EBF1: variants seen among roughly 807,000 people sequenced by gnomAD.
The protein encoded by EBF1 is EBF transcription factor 1.
Under a neutral mutation model 68.4 loss-of-function variants are expected in EBF1, and 10 were observed. The ratio of observed to expected loss-of-function variants is 0.15; its 90% confidence interval spans 0.09 to 0.25. The LOEUF is 0.25. EBF1 is among the 10% of genes least tolerant of loss of function. The pLI, the probability that EBF1 is intolerant of heterozygous loss-of-function variation, is 1.00. For missense variants in EBF1, 509 were observed against 794.4 expected (o/e 0.64, Z 4.32); for synonymous variants, 298 against 299.8 (o/e 0.99, Z 0.06).
chr5:158,883,321 T>A (rs1324236270), intron 6 of EBF1, among the ~76,000 whole-genome samples: 1 of 146,992 alleles, frequency 6.8e-6, no homozygotes, highest in East Asian at 2.0e-4. Context: ...CATACATGTG[T>A]ATATATATAC....
chr5:159,097,044 A>G lies in EBF1; in HGVS notation c.221T>C (p.Leu74Pro). The G allele has an allele frequency of 6.2e-7, 1 of 1,614,048 alleles. No homozygotes were observed. Among genetic ancestry groups the G allele is most frequent in the Non-Finnish European group, 8.5e-7 (1 of 1,180,000 alleles). The part of the protein sequence containing the change: ...KSNFFHFVLA[L>P]YDRQGQPVEI... ...CACGGGCTGGCCCTGTCTGTCGTAGAGGGCCAGGACGAAGTGGAAGAAGTT... is the reference window on the plus strand; with the variant it reads ...CACGGGCTGGCCCTGTCTGTCGTAGGGGGCCAGGACGAAGTGGAAGAAGTT... Residue 74 changes from leucine (L) to proline (P), a missense_variant, in exon 2 of 16, where the codon CTC (leucine) becomes CCC (proline). Around this residue, in one of 3 missense-constraint regions of EBF1, gnomAD observed 230 missense variants for 467.7 expected, o/e 0.49. Coordinates refer to ENST00000313708, the MANE Select transcript of EBF1 (RefSeq NM_024007.5).
At chr5:159,051,389 G>T (rs1384761740) in intron 6 of EBF1, among the ~76,000 whole-genome samples, 1 of 62,922 alleles carries the variant, frequency 1.6e-5, no homozygotes, top group South Asian at 6.5e-4. Context: ...GCTAGGCCCC[G>T]CCTCGGGCCG....
At chr5:158,792,954 G>A (rs1778940639) in intron 9 of EBF1, among the ~76,000 whole-genome samples, 2 of 152,098 alleles carry the variant, frequency 1.3e-5, no homozygotes, top group South Asian at 4.1e-4. Context: ...AGACATCATG[G>A]CAATGTGAGC....
chr5:158,862,885 C>G (rs960263528), intron 6 of EBF1, among the ~76,000 whole-genome samples: 12 of 152,170 alleles, frequency 7.9e-5, no homozygotes, highest in Non-Finnish European at 1.3e-4. Flanking sequence ...GAACAGCAGT[C>G]CTTCATTAGA....
At chr5:158,700,069 C>T in intron 15 of EBF1, among the ~76,000 whole-genome samples, 1 of 152,224 alleles carries the variant, frequency 6.6e-6, no homozygotes, top group East Asian at 1.9e-4. Flanking sequence ...ATGCAAAGTG[C>T]TTAGCCTGGG....
chr5:158,763,126 A>G (rs959464143), intron 10 of EBF1, among the ~76,000 whole-genome samples: 1 of 152,170 alleles, frequency 6.6e-6, no homozygotes, highest in South Asian at 2.1e-4. Flanking sequence ...CACCGAATAA[A>G]GGCATTTACA....
intron 6 of EBF1, among the ~76,000 whole-genome samples, chr5:159,055,855 C>T (rs908996053): frequency 3.9e-5 from 6 of 152,162 alleles, no homozygotes; most frequent in African/African-American, 1.4e-4. Context: ...CTGGGGCAGT[C>T]CCCAATCTGG....
chr5:158,999,661 A>G (rs570877837), intron 6 of EBF1, among the ~76,000 whole-genome samples: 1 of 152,198 alleles, frequency 6.6e-6, no homozygotes, highest in Non-Finnish European at 1.5e-5. Flanking sequence ...GCAGTTGCTG[A>G]TGGTCTCAAA....
chr5:159,082,598 A>G (rs1308744727), intron 5 of EBF1, among the ~76,000 whole-genome samples: 1 of 152,192 alleles, frequency 6.6e-6, no homozygotes, highest in East Asian at 1.9e-4. Context: ...GGAAAGTGAG[A>G]ATTTTTTTCC....
At chr5:158,791,396 T>G (rs1254139476) in intron 9 of EBF1, among the ~76,000 whole-genome samples, 1 of 151,950 alleles carries the variant, frequency 6.6e-6, no homozygotes, top group Non-Finnish European at 1.5e-5. Context: ...TCTTTCATTT[T>G]CAGATGAGAA....
chr5:158,915,584 A>T (rs925679956), intron 6 of EBF1, among the ~76,000 whole-genome samples: 1 of 152,138 alleles, frequency 6.6e-6, no homozygotes, highest in African/African-American at 2.4e-5. Flanking sequence ...GGTGGGGGGA[A>T]TTCCGTGGAG....
intron 6 of EBF1, among the ~76,000 whole-genome samples, chr5:158,925,254 A>G (rs942378337): frequency 1.3e-5 from 2 of 152,204 alleles, no homozygotes; most frequent in African/African-American, 2.4e-5. Context: ...CTCACAGCAC[A>G]TATCACTTTT....
chr5:158,950,330 T>C (rs1298759760), intron 6 of EBF1, among the ~76,000 whole-genome samples: 1 of 152,214 alleles, frequency 6.6e-6, no homozygotes, highest in Non-Finnish European at 1.5e-5. Context: ...CTAGAGTCAG[T>C]AGCCGATGAA....
chr5:159,069,381 A>C (rs368161287), intron 6 of EBF1, among the ~76,000 whole-genome samples: 1 of 152,090 alleles, frequency 6.6e-6, no homozygotes, highest in Non-Finnish European at 1.5e-5. Flanking sequence ...CCCCACTGCA[A>C]ATAAGCAACA....
At chr5:159,047,769 A>G (rs1772720999) in intron 6 of EBF1, among the ~76,000 whole-genome samples, 1 of 152,128 alleles carries the variant, frequency 6.6e-6, no homozygotes, top group Non-Finnish European at 1.5e-5. Flanking sequence ...ATACCCCATT[A>G]CTGCTATTTC....
chr5:158,838,932 A>T (rs1462843311), intron 7 of EBF1, among the ~76,000 whole-genome samples: 1 of 152,170 alleles, frequency 6.6e-6, no homozygotes, highest in Non-Finnish European at 1.5e-5. Flanking sequence ...AAAACTTTGC[A>T]ACTCAAAGTG....
intron 6 of EBF1, among the ~76,000 whole-genome samples, chr5:158,999,875 T>C (rs73816871): frequency 0.067 from 10,135 of 152,272 alleles, 695 homozygotes; most frequent in African/African-American, 0.18. Flanking sequence ...TGTTCACTTT[T>C]TCTGCTGTTT....
chr5:159,025,486 A>G (rs2127726499), intron 6 of EBF1, among the ~76,000 whole-genome samples: 1 of 152,312 alleles, frequency 6.6e-6, no homozygotes, highest in Non-Finnish European at 1.5e-5. Flanking sequence ...ATGACATGAC[A>G]TGCTTTATTT....
chr5:158,740,596 A>AT (rs1306089884), intron 10 of EBF1, among the ~76,000 whole-genome samples: 11 of 152,238 alleles, frequency 7.2e-5, no homozygotes, highest in Admixed American at 5.2e-4. Flanking sequence ...ATTTGGTAAC[A>AT]TTTTAATGGA....
Sources: allele counts gnomAD v4.1 joint callset (sites outside exome capture counted in the v4.1 genomes callset), GRCh38; gene constraint gnomAD v4.1.1; regional missense constraint gnomAD v4.1.1; transcripts MANE v1.5; gene names NCBI Gene and HGNC (gene_info 2026-07-23, HGNC 2026-07-21).